CARM1: variants seen among roughly 807,000 people sequenced by gnomAD.
CARM1 encodes histone-arginine methyltransferase CARM1.
A neutral mutation model predicts 72.7 loss-of-function variants in CARM1; 14 were observed. The ratio of observed to expected loss-of-function variants is 0.19; its 90% confidence interval spans 0.13 to 0.30. The LOEUF (loss-of-function observed/expected upper bound fraction) is 0.30, where lower values mean the gene tolerates loss of function less well. Among genes scored for constraint, CARM1 ranks in the 10% least tolerant of loss-of-function variants. The pLI is 1.00. For synonymous variants in CARM1, 333 were observed against 345.5 expected, an observed-to-expected ratio of 0.96 and a Z score of 0.40; for missense variants, 432 against 833.7, an observed-to-expected ratio of 0.52 and a Z score of 5.93.
chr19:10,889,185 G>A (rs1186608767), intron 1 of CARM1, among the ~76,000 whole-genome samples: 2 of 152,132 alleles, frequency 1.3e-5, no homozygotes, highest in Admixed American at 6.6e-5. Flanking sequence ...GTAGTGCTTG[G>A]GGGCACCATG....
At chr19:10,902,290 CTTTT>C (rs869120010) in intron 1 of CARM1, among the ~76,000 whole-genome samples, 106 of 114,758 alleles carry the variant, frequency 9.2e-4, no homozygotes, top group Middle Eastern at 4.5e-3. Context: ...ATTGTTGTTT[CTTTT>C]TTTTTTTTTT....
chr19:10,873,927 C>A (rs2073842589), intron 1 of CARM1, among the ~76,000 whole-genome samples: 1 of 152,062 alleles, frequency 6.6e-6, no homozygotes, highest in Admixed American at 6.6e-5. Context: ...GCATGAGCCA[C>A]CCCGCCCGGC....
chr19:10,896,674 CCT>C lies in CARM1; in HGVS notation c.221-8276_221-8275del, dbSNP rs1463493536. Among the ~76,000 whole-genome samples, 4 of 152,196 alleles carry C rather than the reference CCT, an allele frequency of 2.6e-5. No individual in the cohort carries two copies. Among genetic ancestry groups the C allele is most frequent in the Admixed American group, 6.5e-5 (1 of 15,280 alleles). ...GGCTCACCACACTGTCTGGGCCACC[CCT>C]GTTTCCCTGCGTTCCTGCACTCTTC... On this transcript the variant is annotated intron_variant, in intron 1 of 15. Coordinates refer to ENST00000327064, the MANE Select transcript of CARM1 (RefSeq NM_199141.2). This position sits in a 1 kb window ranked among gnomAD's most constrained non-coding sequence, Gnocchi z 5.2.
At chr19:10,909,491 T>C (rs971964158) in intron 4 of CARM1, among the ~76,000 whole-genome samples, 4 of 151,522 alleles carry the variant, frequency 2.6e-5, no homozygotes, top group African/African-American at 9.7e-5. Flanking sequence ...ATCCCAGCAC[T>C]TTGGGACGCC....
At position 10,920,778 on chromosome 19, in the gene CARM1, G is replaced by A; in HGVS notation, c.1424+30G>A. On this transcript the variant is annotated intron_variant, in intron 12 of 15. Coordinates refer to ENST00000327064, the MANE Select transcript of CARM1 (RefSeq NM_199141.2). The surrounding 1 kb of genome is among the most constrained non-coding windows in gnomAD (Gnocchi z 5.3). The stretch of plus-strand genomic sequence containing the variant: ...GAGGGGCCCCTTGCCTGCACAGGGG[G>A]GCGCCCCGGCCCTGCAACCCCCTTG... 1 of 1,613,658 alleles carries A rather than the reference G, an allele frequency of 6.2e-7. No individual in the cohort carries two copies. The highest frequency in any genetic ancestry group is 8.5e-7 in the Non-Finnish European group (1 of 1,179,616).
chr19:10,904,904 C>A (rs781731001), intron 1 of CARM1, 47 bp from the exon 2 acceptor site: 34 of 1,593,466 alleles, frequency 2.1e-5, no homozygotes, highest in Non-Finnish European at 2.8e-5. Flanking sequence ...CAAAAGAAGG[C>A]AGCTGACAGG....
intron 1 of CARM1, among the ~76,000 whole-genome samples, chr19:10,889,737 C>T (rs770104999): frequency 6.6e-5 from 10 of 152,110 alleles, no homozygotes; most frequent in Non-Finnish European, 1.3e-4. Context: ...CGGATCCAAC[C>T]GTGGACCCTG....
At chr19:10,902,853 G>C (rs1355715786) in intron 1 of CARM1, among the ~76,000 whole-genome samples, 1 of 151,936 alleles carries the variant, frequency 6.6e-6, no homozygotes, top group African/African-American at 2.4e-5. Context: ...CTAGTAATCT[G>C]CCTGACTCCC....
At chr19:10,903,736 C>T (rs1259551302) in intron 1 of CARM1, among the ~76,000 whole-genome samples, 1 of 151,914 alleles carries the variant, frequency 6.6e-6, no homozygotes, top group Non-Finnish European at 1.5e-5. Flanking sequence ...CCCCAGTTGT[C>T]CTTTATTTAT....
intron 14 of CARM1, 22 bp from the exon 15 acceptor site, chr19:10,921,353 T>C: frequency 6.2e-7 from 1 of 1,610,064 alleles, no homozygotes; most frequent in Middle Eastern, 1.7e-4. Flanking sequence ...CCCTTCCTTC[T>C]TTCCTCCCTC....
chr19:10,887,542 G>A (rs2073950658), intron 1 of CARM1, among the ~76,000 whole-genome samples: 1 of 152,138 alleles, frequency 6.6e-6, no homozygotes, highest in Non-Finnish European at 1.5e-5. Context: ...CTGCAGCTTT[G>A]TGGCCCAGGA....
chr19:10,899,536 A>G (rs528020888), intron 1 of CARM1, among the ~76,000 whole-genome samples: 1 of 151,772 alleles, frequency 6.6e-6, no homozygotes, highest in Admixed American at 6.5e-5. Context: ...GCCTGCTGAC[A>G]CCCTCCTGGC....
chr19:10,905,710 C>T (rs555391911), intron 2 of CARM1, among the ~76,000 whole-genome samples: 24 of 152,316 alleles, frequency 1.6e-4, no homozygotes, highest in African/African-American at 5.3e-4. Flanking sequence ...CCATGAGCCA[C>T]TGCCGGCCTC....
chr19:10,909,539 T>G (rs1391003510), intron 4 of CARM1, among the ~76,000 whole-genome samples: 1 of 151,840 alleles, frequency 6.6e-6, no homozygotes, highest in Non-Finnish European at 1.5e-5. Context: ...ATCGAGACCA[T>G]CCTGGCTAAC....
intron 1 of CARM1, among the ~76,000 whole-genome samples, chr19:10,873,890 T>C (rs995418055): frequency 6.6e-6 from 1 of 151,930 alleles, no homozygotes; most frequent in Non-Finnish European, 1.5e-5. Flanking sequence ...CCACCCGCCT[T>C]GGCCTCCCAA....
rs2074023111 is a variant in CARM1, at chr19:10,896,221, C to T, written c.221-8730C>T. ...GTCTCCCCGTTCTTCCAAGACCCTCCTGCATGCTGGGACCCAGGGCTGCCG... is the reference window on the plus strand; with the variant it reads ...GTCTCCCCGTTCTTCCAAGACCCTCTTGCATGCTGGGACCCAGGGCTGCCG... On this transcript the variant is annotated intron_variant, in intron 1 of 15. Coordinates refer to ENST00000327064, the MANE Select transcript of CARM1 (RefSeq NM_199141.2). The surrounding 1 kb of genome is among the most constrained non-coding windows in gnomAD (Gnocchi z 5.2). Among the ~76,000 whole-genome samples, 1 of 152,034 alleles carries T rather than the reference C, an allele frequency of 6.6e-6. No individual in the cohort carries two copies. The highest frequency in any genetic ancestry group is 2.4e-5 in the African/African-American group (1 of 41,404).
intron 1 of CARM1, among the ~76,000 whole-genome samples, chr19:10,890,468 A>AT (rs2073975492): frequency 6.6e-6 from 1 of 151,152 alleles, no homozygotes; most frequent in African/African-American, 2.4e-5. Context: ...GGGTTTTACC[A>AT]TGTTGGCCAG....
chr19:10,912,187 G>A lies in CARM1; in HGVS notation c.562G>A (p.Val188Ile), dbSNP rs374842463. 16 of 1,613,660 alleles carry A rather than the reference G, an allele frequency of 9.9e-6. No homozygotes were observed. The African/African-American group carries it at 1.1e-4, about 11-fold the overall frequency. ...TCACCTCCCACTCCTCCCTCAGATC[G>A]TTCTTGATGTTGGCTGTGGCTCTGG... ...QNHTDFKDKI[V>I]LDVGCGSGIL... Residue 188 changes from valine to isoleucine, a missense_variant, in exon 5 of 16, where the codon GTT (valine) becomes ATT (isoleucine). Around this residue, in one of 3 missense-constraint regions of CARM1, gnomAD observed 152 missense variants for 452.8 expected, o/e 0.34. Transcript: ENST00000327064. This position sits in a 1 kb window ranked among gnomAD's most constrained non-coding sequence, Gnocchi z 4.5.
At position 10,920,085 on chromosome 19, in the gene CARM1, T is replaced by A. The variant is rs1599711957; in HGVS notation, c.1196+119T>A. On this transcript the variant is annotated intron_variant, in intron 10 of 15. Coordinates refer to ENST00000327064, the MANE Select transcript of CARM1 (RefSeq NM_199141.2). The surrounding 1 kb of genome is among the most constrained non-coding windows in gnomAD (Gnocchi z 5.3). ...GTTCCACCATCCCTTCCAATGGGAG[T>A]GAGAGCCTGTCTCGGAGCAAGAGAC... 1.3e-6 allele frequency: 1 copy of A among 779,052 alleles called. No individual in the cohort carries two copies. Among genetic ancestry groups the A allele is most frequent in the Non-Finnish European group, 2.2e-6 (1 of 455,158 alleles). 48.3% of individuals were successfully genotyped at this position (779,052 alleles called of 1,614,324 possible).
Sources: gnomAD v4.1 joint callset for allele counts (sites outside exome capture counted in the v4.1 genomes callset) on GRCh38, gnomAD v4.1.1 for gene constraint, gnomAD v4.1.1 regional missense constraint, Gnocchi (gnomAD v3.1) non-coding constraint, MANE v1.5 for transcripts, NCBI Gene and HGNC (gene_info 2026-07-23, HGNC 2026-07-21) for gene names.